Variants in MACF1 observed in about 807,000 individuals in gnomAD.
MACF1 encodes the protein microtubule actin crosslinking factor 1, also known as microtubule-actin cross-linking factor 1.
MACF1 carries 193 observed loss-of-function variants against 854.8 expected under a neutral mutation model. The ratio of observed to expected loss-of-function variants is 0.23; its 90% CI spans 0.20 to 0.25. The LOEUF (loss-of-function observed/expected upper bound fraction) is 0.25. Ranked by LOEUF, MACF1 falls within the 10% of genes least tolerant of loss-of-function variation. The pLI is 1.00. For missense variants in MACF1, 7,722 were observed against 8,929.1 expected, an observed-to-expected ratio of 0.86 and a Z score of 5.45; for synonymous variants, 3,185 against 3,226.7, an observed-to-expected ratio of 0.99 and a Z score of 0.44.
At chr1:39,187,556 T>C (rs1462306318) in intron 2 of MACF1, among the ~76,000 whole-genome samples, 3 of 152,174 alleles carry the variant, frequency 2.0e-5, no homozygotes, top group African/African-American at 4.8e-5. Context: ...CATTTTTTCA[T>C]TGTGGTATAT....
intron 2 of MACF1, among the ~76,000 whole-genome samples, chr1:39,161,022 G>A (rs1011113268): frequency 1.3e-5 from 2 of 152,190 alleles, no homozygotes; most frequent in Non-Finnish European, 2.9e-5. Context: ...TGGGAGAATA[G>A]AGACATTGTA....
rs942834735 is a variant in MACF1, at chr1:39,437,817, A to C, written c.18029A>C (p.Asn6010Thr). The C allele has an allele frequency of 1.9e-6, 3 of 1,614,026 alleles. No homozygotes were observed. The African/African-American group carries it at 4.0e-5, about 22-fold the overall frequency. Residue 6010 changes from asparagine to threonine, a missense_variant, in exon 71 of 101, where the codon AAT (asparagine) becomes ACT (threonine). Physicochemically the swap from Asn to Thr is moderately conservative, Grantham distance 65. Around this residue, in one of 15 missense-constraint regions of MACF1, gnomAD observed 2,807 missense variants for 3,235.8 expected, o/e 0.87. Transcript: ENST00000564288. ...KIEPMLETLE[N>T]LSSRLRMPPL... ...GAGCCTATGTTGGAGACACTGGAGA[A>C]TCTTTCCTCTCGCCTGCGTATGCCA...
intron 1 of MACF1, among the ~76,000 whole-genome samples, chr1:39,214,834 T>G (rs948677485): frequency 1.3e-5 from 2 of 152,162 alleles, no homozygotes; most frequent in African/African-American, 4.8e-5. Context: ...CTATATGTAC[T>G]TCTGCCTGAG....
chr1:39,393,168 T>C (rs1642102540), intron 58 of MACF1, among the ~76,000 whole-genome samples: 1 of 127,254 alleles, frequency 7.9e-6, no homozygotes, highest in African/African-American at 3.3e-5. Flanking sequence ...TAGAGTGACC[T>C]TCCTGGGAAG....
intron 60 of MACF1, among the ~76,000 whole-genome samples, chr1:39,423,411 G>C (rs868231593): frequency 1.3e-5 from 2 of 152,124 alleles, no homozygotes; most frequent in South Asian, 4.1e-4. Flanking sequence ...CGAGGCAGGC[G>C]GATCACAAGG....
At chr1:39,138,613 A>G (rs1643245890) in intron 2 of MACF1, among the ~76,000 whole-genome samples, 1 of 151,918 alleles carries the variant, frequency 6.6e-6, no homozygotes, top group East Asian at 1.9e-4. Flanking sequence ...CTGGTGTTAG[A>G]TGAACACAGC....
At position 39,333,577 on chromosome 1, in the gene MACF1, A is replaced by C; in HGVS notation, c.6989A>C (p.Asn2330Thr). The C allele has an allele frequency of 2.5e-6, 4 of 1,614,240 alleles. No individual in the cohort carries two copies. Among genetic ancestry groups the C allele is most frequent in the Non-Finnish European group, 3.4e-6 (4 of 1,180,026 alleles). Residue 2330 changes from asparagine to threonine, a missense_variant, in exon 37 of 101, where the codon AAC becomes ACC. Transcript: ENST00000564288. ...GCCGTGAAGCTTATGGAGAAGCTGA[A>C]CATGTTTCAGGGGTTCTTTGACTCT... is the stretch of plus-strand genomic sequence containing the variant. Reference protein sequence around the residue: ...HTAVKLMEKLNMFQGFFDSQT... With the variant: ...HTAVKLMEKLTMFQGFFDSQT...
chr1:39,480,026 A>G lies in MACF1; in HGVS notation c.22170+17A>G, dbSNP rs367891160. On this transcript the variant is annotated intron_variant, in intron 98 of 100. Transcript: ENST00000564288. Reference sequence around the variant, plus strand: ...GGAACCAAGGTATGTACTGATCTCCATTATGCCCTTCTTCCCCAATCCCAC... The same window carrying G: ...GGAACCAAGGTATGTACTGATCTCCGTTATGCCCTTCTTCCCCAATCCCAC... 2.3e-5 allele frequency: 37 copies of G among 1,608,642 alleles called. No individual in the cohort carries two copies. In the South Asian group the frequency reaches 3.8e-4, roughly 17 times the overall value.
At chr1:39,281,517 G>A (rs1330212491) in intron 6 of MACF1, among the ~76,000 whole-genome samples, 1 of 150,334 alleles carries the variant, frequency 6.7e-6, no homozygotes, top group Non-Finnish European at 1.5e-5. Flanking sequence ...TTGAGATGGA[G>A]TCTCACTCTG....
At chr1:39,298,130 T>C (rs1645962672) in intron 21 of MACF1, among the ~76,000 whole-genome samples, 1 of 149,472 alleles carries the variant, frequency 6.7e-6, no homozygotes, top group African/African-American at 2.4e-5. Flanking sequence ...TTTACTCTCT[T>C]ATGCAAAAAA....
Position 39,301,516 on chromosome 1 carries a change from C to T in MACF1, c.2634+1154C>T, listed in dbSNP as rs566094076. 6.2e-4 allele frequency among the ~76,000 whole-genome samples: 94 copies of T among 152,068 alleles called. 1 individual carries two copies. Among genetic ancestry groups the T allele is most frequent in the African/African-American group, 2.2e-3 (92 of 41,464 alleles). On this transcript the variant is annotated intron_variant, in intron 22 of 100. Transcript: ENST00000564288. ...TCTCAGCTCACTGCAACCTCTGCCC[C>T]CTGGGTTCAAGTGATTATCCTGCCT...
intron 58 of MACF1, among the ~76,000 whole-genome samples, chr1:39,400,464 A>C (rs1642433068): frequency 6.6e-6 from 1 of 151,822 alleles, no homozygotes; most frequent in African/African-American, 2.4e-5. Context: ...AGACATATAA[A>C]TTAGAATATT....
At chr1:39,287,605 C>G in intron 15 of MACF1, 43 bp downstream of exon 15, 1 of 1,604,888 alleles carries the variant, frequency 6.2e-7, no homozygotes, top group Non-Finnish European at 8.5e-7. Context: ...CTGATGTTTA[C>G]TGGATCTGGA....
At chr1:39,331,016 G>A (rs1330609228) in intron 36 of MACF1, 187 bp from the exon 37 acceptor site, 1 of 694,152 alleles carries the variant, frequency 1.4e-6, no homozygotes, top group African/African-American at 1.8e-5. Flanking sequence ...GGTCAGGCTG[G>A]TCTCAGACTC....
In MACF1 at chr1:39,332,720, T is replaced by A; in HGVS notation, c.6132T>A (p.Phe2044Leu). The change falls in exon 37 of 101, where the codon TTT becomes TTA. Residue 2044 changes from phenylalanine to leucine, a missense_variant. This residue lies in a region of MACF1 where 1,531 missense variants were observed against 1,601.6 expected (regional missense o/e 0.96). Coordinates refer to ENST00000564288, the MANE Select transcript of MACF1 (RefSeq NM_001394062.1). The stretch of plus-strand genomic sequence containing the variant: ...CTGTGAGGCTGCCTGAGTTCCAGTT[T>A]TCTTCTCAGAACAAAGAATATCCCG... ...GWTVRLPEFQ[F>L]SSQNKEYPDR... is the part of the protein sequence containing the mutation. The A allele has an allele frequency of 6.2e-7, 1 of 1,614,182 alleles. No homozygotes were observed. Among genetic ancestry groups the A allele is most frequent in the Non-Finnish European group, 8.5e-7 (1 of 1,180,020 alleles).
chr1:39,272,248 G>A (rs908988830), intron 6 of MACF1, among the ~76,000 whole-genome samples: 1 of 152,168 alleles, frequency 6.6e-6, no homozygotes, highest in African/African-American at 2.4e-5. Context: ...AAGGCCAAGA[G>A]GCTGCAACTC....
chr1:39,319,545 C>A, intron 30 of MACF1, 119 bp from the exon 31 acceptor site: 1 of 669,234 alleles, frequency 1.5e-6, no homozygotes, highest in Non-Finnish European at 2.5e-6. Context: ...TTTAACCACC[C>A]TTTCCAGCAA....
At position 39,337,218 on chromosome 1, in the gene MACF1, G is replaced by C. The variant is rs1276866020; in HGVS notation, c.10102G>C (p.Glu3368Gln). ...CCGGCAACTCTGTTTAGAACATGAT[G>C]AAAAGCTAGTATCCTATCTGTCTCT... The part of the protein sequence containing the change: ...FTRQLCLEHD[E>Q]KLVSYLSLLR... The change falls in exon 38 of 101, where the codon GAA becomes CAA. Residue 3368 changes from glutamate (E) to glutamine (Q), a missense_variant. Around this residue, in one of 15 missense-constraint regions of MACF1, gnomAD observed 854 missense variants for 852.6 expected, o/e 1.00. Transcript: ENST00000564288. The C allele has an allele frequency of 1.2e-6, 2 of 1,613,828 alleles. No individual in the cohort carries two copies. Among genetic ancestry groups the C allele is most frequent in the East Asian group, 4.5e-5 (2 of 44,872 alleles).
intron 2 of MACF1, among the ~76,000 whole-genome samples, chr1:39,143,758 G>A (rs1643398962): frequency 6.6e-6 from 1 of 152,094 alleles, no homozygotes; most frequent in Admixed American, 6.6e-5. Flanking sequence ...CAGCAATTAG[G>A]CAATTTCTTT....
Sources: gnomAD v4.1 joint callset for allele counts (sites outside exome capture counted in the v4.1 genomes callset) on GRCh38, gnomAD v4.1.1 for gene constraint, gnomAD v4.1.1 regional missense constraint, MANE v1.5 for transcripts, NCBI Gene and HGNC (gene_info 2026-07-23, HGNC 2026-07-21) for gene names.